ARHGEF1: variants seen among roughly 807,000 people sequenced by gnomAD.
ARHGEF1 encodes the protein Rho guanine nucleotide exchange factor 1, also known as 115 kDa guanine nucleotide exchange factor.
Under a neutral mutation model 119.7 loss-of-function variants are expected in ARHGEF1, and 40 were observed. The observed-to-expected ratio is 0.33, with a 90% CI of 0.26 to 0.44. ARHGEF1 has a LOEUF of 0.44. Ranked by LOEUF, ARHGEF1 falls within the 20% of genes least tolerant of loss-of-function variation. The probability of loss-of-function intolerance (pLI) is 1.00; values close to 1 mark genes in which losing one functional copy is unlikely to be tolerated. For synonymous variants in ARHGEF1, 494 were observed against 521.0 expected (o/e 0.95, Z 0.71); for missense variants, 976 against 1,268.3 (o/e 0.77, Z 3.50).
Position 41,898,727 on chromosome 19 carries a change from G to A in ARHGEF1, c.1267+140G>A, listed in dbSNP as rs534893761. 6 of 1,147,240 alleles carry A rather than the reference G, an allele frequency of 5.2e-6. No individual in the cohort carries two copies. The African/African-American group carries it at 6.2e-5, about 12-fold the overall frequency. The allele number at this position is 1,147,240 out of a possible 1,614,324, so 71.1% of individuals were successfully genotyped here. The stretch of plus-strand genomic sequence containing the variant: ...TGAAGGCAGCTTCAAATTCCCTCTT[G>A]TTCCAAGTTCAGATTGTTTCAACAC... On this transcript the variant is annotated intron_variant, in intron 14 of 28. Coordinates refer to ENST00000354532, the MANE Select transcript of ARHGEF1 (RefSeq NM_004706.4).
chr19:41,902,202 C>CCA lies in ARHGEF1; in HGVS notation c.1415-68_1415-67dup. 1 of 1,589,562 alleles carries CCA rather than the reference C, an allele frequency of 6.3e-7. No homozygotes were observed. On this transcript the variant is annotated intron_variant, in intron 15 of 28. Transcript: ENST00000354532. This position sits in a 1 kb window ranked among gnomAD's most constrained non-coding sequence, Gnocchi z 6.5. Reference sequence around the variant, plus strand: ...AGACACACCTGCAGCCCTACCCCCACCACACCGCAGCAGGCCCCGCACAGC... The same window carrying CCA: ...AGACACACCTGCAGCCCTACCCCCACCACACACCGCAGCAGGCCCCGCACAGC...
Position 41,895,346 on chromosome 19 carries a change from C to T in ARHGEF1, c.878-3C>T, listed in dbSNP as rs781897284. On this transcript the variant is annotated splice_region_variant and splice_polypyrimidine_tract_variant and intron_variant, in intron 11 of 28. Coordinates refer to ENST00000354532, the MANE Select transcript of ARHGEF1 (RefSeq NM_004706.4). Reference sequence around the variant, plus strand: ...CCCTCTTTCTCCCTCACTGTCTCCCCAGCCGAGAAGCCAGGTGCTACAGAC... The same window carrying T: ...CCCTCTTTCTCCCTCACTGTCTCCCTAGCCGAGAAGCCAGGTGCTACAGAC... 9 of 1,604,568 alleles carry T rather than the reference C, an allele frequency of 5.6e-6. No homozygotes were observed. Among genetic ancestry groups the T allele is most frequent in the Middle Eastern group, 1.7e-4 (1 of 6,036 alleles).
intron 1 of ARHGEF1, among the ~76,000 whole-genome samples, chr19:41,923,965 G>A (rs2074857061): frequency 2.2e-5 from 2 of 92,472 alleles, no homozygotes; most frequent in Admixed American, 1.0e-4. Context: ...TGTGCTGGGG[G>A]GAGGTAGGGG....
intron 7 of ARHGEF1, 133 bp from the exon 8 acceptor site, chr19:41,893,141 C>A: frequency 1.6e-6 from 2 of 1,274,002 alleles, no homozygotes; most frequent in Non-Finnish European, 2.2e-6. Context: ...CCTTCCCAAT[C>A]CCTTCCACAG....
rs2074391010 is a variant in ARHGEF1, at chr19:41,892,394, A to G, written c.367+21A>G. The G allele has an allele frequency of 1.9e-6, 3 of 1,613,694 alleles. No homozygotes were observed. In the Admixed American group the frequency reaches 5.0e-5, roughly 27 times the overall value. ...ACTTGGTAAGGAGAAGGATGGGATGAGGGAGAGGTGTCTAGCGGGGACCAC... is the reference window on the plus strand; with the variant it reads ...ACTTGGTAAGGAGAAGGATGGGATGGGGGAGAGGTGTCTAGCGGGGACCAC... On this transcript the variant is annotated intron_variant, in intron 6 of 28. Coordinates refer to ENST00000354532, the MANE Select transcript of ARHGEF1 (RefSeq NM_004706.4). This position sits in a 1 kb window ranked among gnomAD's most constrained non-coding sequence, Gnocchi z 6.3.
chr19:41,917,357 A>C lies in ARHGEF1; in HGVS notation c.1866-5735A>C. On this transcript the variant is annotated intron_variant, in intron 18 of 20. Transcript: ENST00000599589. This position sits in a 1 kb window ranked among gnomAD's most constrained non-coding sequence, Gnocchi z 4.8. ...CTCTGTCTCCTAACGCCCCATCACCACGCCCCCCTGGGCTGGGGTTTAACC... is the reference window on the plus strand; with the variant it reads ...CTCTGTCTCCTAACGCCCCATCACCCCGCCCCCCTGGGCTGGGGTTTAACC... 1.3e-5 allele frequency among the ~76,000 whole-genome samples: 2 copies of C among 149,484 alleles called. No individual in the cohort carries two copies. The highest frequency in any genetic ancestry group is 6.7e-5 in the Admixed American group (1 of 15,028).
intron 1 of ARHGEF1, chr19:41,884,296 C>A: frequency 1.1e-6 from 1 of 921,294 alleles, no homozygotes; most frequent in Non-Finnish European, 1.6e-6. Context: ...GAGCGGCCGG[C>A]GGGAGGAGTA....
Position 41,905,304 on chromosome 19 carries a change from G to A in ARHGEF1, c.2336+43G>A, listed in dbSNP as rs782145201. 1.9e-6 allele frequency: 3 copies of A among 1,559,306 alleles called. No individual in the cohort carries two copies. The highest frequency in any genetic ancestry group is 8.7e-7 in the Non-Finnish European group (1 of 1,148,560). On this transcript the variant is annotated intron_variant, in intron 24 of 28. Transcript: ENST00000354532. This position sits in a 1 kb window ranked among gnomAD's most constrained non-coding sequence, Gnocchi z 6.4. ...GAGAGCTGGAGGTTCAGGGAGTGGG[G>A]CCGGAAGGCGGGGCAGGCTTCCCTC... is the stretch of plus-strand genomic sequence containing the variant.
chr19:41,905,431 ATAGT>A lies in ARHGEF1; in HGVS notation c.2336+171_2336+174del, dbSNP rs1298921330. The A allele has an allele frequency of 7.7e-6, 5 of 650,478 alleles. No individual in the cohort carries two copies. Among genetic ancestry groups the A allele is most frequent in the Admixed American group, 2.9e-5 (1 of 34,466 alleles). 40.3% of individuals were successfully genotyped at this position (650,478 alleles called of 1,614,324 possible). A position where few individuals can be genotyped will look rare whatever the true frequency, so the allele number is the denominator to read the frequency against. ...CAAGTATGTGACTGTGCGTGCATAT[ATAGT>A]GTGTGTATGCATGCATGTGTGCGTG... On this transcript the variant is annotated intron_variant, in intron 24 of 28. Coordinates refer to ENST00000354532, the MANE Select transcript of ARHGEF1 (RefSeq NM_004706.4). This position sits in a 1 kb window ranked among gnomAD's most constrained non-coding sequence, Gnocchi z 6.4.
At chr19:41,885,632 T>G (rs1253366098) in intron 1 of ARHGEF1, among the ~76,000 whole-genome samples, 1 of 152,104 alleles carries the variant, frequency 6.6e-6, no homozygotes, top group African/African-American at 2.4e-5. Context: ...CAGCTAATTT[T>G]GGTATTTTTA....
chr19:41,900,056 A>G (rs1403000518), intron 14 of ARHGEF1, among the ~76,000 whole-genome samples: 2 of 152,112 alleles, frequency 1.3e-5, no homozygotes, highest in African/African-American at 2.4e-5. Flanking sequence ...GCACTAGGCC[A>G]GGCACAGTGG....
At chr19:41,896,635 T>C (rs1292708557) in intron 13 of ARHGEF1, 153 bp downstream of exon 13, 12 of 718,220 alleles carry the variant, frequency 1.7e-5, no homozygotes, top group Non-Finnish European at 3.0e-5. Context: ...TCCTCTCCCT[T>C]CTTCTTTCCT....
chr19:41,897,973 G>A (rs1555848239), intron 13 of ARHGEF1: 1 of 1,314,738 alleles, frequency 7.6e-7, no homozygotes, highest in Non-Finnish European at 9.7e-7. Flanking sequence ...GGCGCTCAGA[G>A]AGCCTGCGGG....
At position 41,903,917 on chromosome 19, in the gene ARHGEF1, C is replaced by A. The variant is rs1252341757; in HGVS notation, c.1918-118C>A. The A allele has an allele frequency of 9.6e-6, 13 of 1,352,696 alleles. No individual in the cohort carries two copies. Among genetic ancestry groups the A allele is most frequent in the Non-Finnish European group, 1.3e-5 (12 of 959,874 alleles). 83.8% of individuals were successfully genotyped at this position (1,352,696 alleles called of 1,614,324 possible). ...CGAGAGCTCTGTCCCCCACCTCATG[C>A]CAATCCCATGATCCCCAGCCTGTGG... On this transcript the variant is annotated intron_variant, in intron 20 of 28. Transcript: ENST00000354532. This position sits in a 1 kb window ranked among gnomAD's most constrained non-coding sequence, Gnocchi z 4.2.
Position 41,905,063 on chromosome 19 carries a change from T to A in ARHGEF1, c.2249+27T>A. Reference sequence around the variant, plus strand: ...TGAGGGGGGGTCTGAGTTCTGAGTGTGGGTGGAGGACGCCCAGGTTTCTGG... The same window carrying A: ...TGAGGGGGGGTCTGAGTTCTGAGTGAGGGTGGAGGACGCCCAGGTTTCTGG... On this transcript the variant is annotated intron_variant, in intron 23 of 28. Coordinates refer to ENST00000354532, the MANE Select transcript of ARHGEF1 (RefSeq NM_004706.4). This position sits in a 1 kb window ranked among gnomAD's most constrained non-coding sequence, Gnocchi z 6.4. 6.2e-7 allele frequency: 1 copy of A among 1,613,218 alleles called. No individual in the cohort carries two copies. The highest frequency in any genetic ancestry group is 8.5e-7 in the Non-Finnish European group (1 of 1,179,238).
chr19:41,917,763 CAGT>C lies in ARHGEF1; in HGVS notation c.1866-5326_1866-5324del, dbSNP rs144032698. On this transcript the variant is annotated intron_variant, in intron 18 of 20. Transcript: ENST00000599589. This position sits in a 1 kb window ranked among gnomAD's most constrained non-coding sequence, Gnocchi z 4.8. ...CCCATGTAGGACACATCTGTGCACA[CAGT>C]AGAGACCCACAGTGACACCCACTAG... Among the ~76,000 whole-genome samples, 805 of 152,068 alleles carry C rather than the reference CAGT, an allele frequency of 5.3e-3. 23 individuals are homozygous for C. The highest frequency in any genetic ancestry group is 0.03 in the East Asian group (155 of 5,170).
intron 4 of ARHGEF1, among the ~76,000 whole-genome samples, chr19:41,891,112 G>T (rs910844733): frequency 6.6e-6 from 1 of 152,070 alleles, no homozygotes; most frequent in Admixed American, 6.5e-5. Context: ...CCCTCAGTAT[G>T]CACAAGGCAC....
intron 9 of ARHGEF1, 48 bp downstream of exon 9, chr19:41,894,354 C>T (rs374677524): frequency 6.6e-7 from 1 of 1,515,680 alleles, no homozygotes; most frequent in South Asian, 1.3e-5. Flanking sequence ...CCAGAGACGC[C>T]CTGGGAGCCT....
chr19:41,896,071 C>T (rs2074480007), intron 12 of ARHGEF1, among the ~76,000 whole-genome samples: 1 of 152,174 alleles, frequency 6.6e-6, no homozygotes, highest in South Asian at 2.1e-4. Context: ...AGGGCCCTCC[C>T]GACCTCAGGG....
Sources: gnomAD v4.1 joint callset for allele counts (sites outside exome capture counted in the v4.1 genomes callset) on GRCh38, gnomAD v4.1.1 for gene constraint, Gnocchi (gnomAD v3.1) non-coding constraint, MANE v1.5 for transcripts, NCBI Gene and HGNC (gene_info 2026-07-23, HGNC 2026-07-21) for gene names.